Variants in TEX26 observed in about 807,000 individuals in gnomAD.
TEX26 encodes the protein testis expressed 26.
TEX26 carries 34 observed loss-of-function variants against 35.3 expected under a neutral mutation model. The ratio of observed to expected loss-of-function variants is 0.96; its 90% CI spans 0.73 to 1.28. The LOEUF is 1.28. Ranked by LOEUF, TEX26 falls within the 50% of genes most tolerant of loss-of-function variation. The pLI, the probability that TEX26 is intolerant of heterozygous loss-of-function variation, is 0.00. For synonymous variants in TEX26, 136 were observed against 111.8 expected (o/e 1.22, Z -1.36); for missense variants, 371 against 330.1 (o/e 1.12, Z -0.96).
chr13:30,960,041 A>G (rs1037787675), intron 4 of TEX26, among the ~76,000 whole-genome samples: 2 of 152,220 alleles, frequency 1.3e-5, no homozygotes, highest in Non-Finnish European at 2.9e-5. Flanking sequence ...TATCCAGCCA[A>G]ACTATCAAGC....
intron 1 of TEX26, 74 bp from the exon 2 acceptor site, chr13:30,939,620 C>T: frequency 1.5e-6 from 2 of 1,363,898 alleles, no homozygotes; most frequent in Admixed American, 1.8e-5. Flanking sequence ...GCAAAATTAT[C>T]TTAATTGTTA....
chr13:30,939,656 G>T (rs750293779), intron 1 of TEX26, 38 bp from the exon 2 acceptor site: 15 of 1,484,496 alleles, frequency 1.0e-5, no homozygotes, highest in Non-Finnish European at 1.4e-5. Context: ...AAAATATTCT[G>T]GTTTGCCATA....
intron 3 of TEX26, among the ~76,000 whole-genome samples, chr13:30,954,238 A>G (rs1260584698): frequency 2.0e-5 from 3 of 150,050 alleles, no homozygotes; most frequent in African/African-American, 7.3e-5. Context: ...ATTGTAATGT[A>G]TTCAACCCTG....
intron 2 of TEX26, among the ~76,000 whole-genome samples, chr13:30,947,756 T>C (rs1232047191): frequency 1.3e-5 from 2 of 152,206 alleles, no homozygotes; most frequent in African/African-American, 4.8e-5. Context: ...TTTATTATTA[T>C]ACTTTAAGTT....
chr13:30,967,425 G>C (rs1401627580), intron 5 of TEX26, among the ~76,000 whole-genome samples: 1 of 152,168 alleles, frequency 6.6e-6, no homozygotes, highest in East Asian at 1.9e-4. Flanking sequence ...TGCTCCAACT[G>C]TGTAGAAGTT....
intron 2 of TEX26, among the ~76,000 whole-genome samples, chr13:30,944,810 C>T (rs1437519292): frequency 2.6e-5 from 4 of 151,712 alleles, no homozygotes; most frequent in African/African-American, 9.7e-5. Context: ...GAGAAGATAC[C>T]TGACATGACT....
intron 4 of TEX26, among the ~76,000 whole-genome samples, chr13:30,965,373 T>C (rs1954490440): frequency 6.6e-6 from 1 of 152,254 alleles, no homozygotes; most frequent in Non-Finnish European, 1.5e-5. Context: ...TGAAAAGATC[T>C]ATTGGAAAAC....
chr13:30,955,188 C>A (rs73165084), intron 3 of TEX26, among the ~76,000 whole-genome samples: 2,923 of 152,254 alleles, frequency 0.019, 39 homozygotes, highest in Middle Eastern at 0.048. Flanking sequence ...AAAATGAAAT[C>A]GCAAAAATAT....
At chr13:30,949,694 G>A (rs1953849008) in intron 2 of TEX26, among the ~76,000 whole-genome samples, 1 of 151,926 alleles carries the variant, frequency 6.6e-6, no homozygotes, top group African/African-American at 2.4e-5. Flanking sequence ...AAATGTATAA[G>A]TTGTTTGTGA....
chr13:30,964,301 C>A (rs949774700), intron 4 of TEX26, among the ~76,000 whole-genome samples: 1 of 152,170 alleles, frequency 6.6e-6, no homozygotes, highest in Non-Finnish European at 1.5e-5. Flanking sequence ...TTCTGAGAGA[C>A]CCTTCCCAGG....
At position 30,932,661 on chromosome 13, in the gene TEX26, C is replaced by T; in HGVS notation, c.-55C>T. The T allele has an allele frequency of 6.3e-7, 1 of 1,588,470 alleles. No homozygotes were observed. ...CGCGTCACAAAGCAGCCCGCGGCTC[C>T]CGCAAGCGCTGAGATAGCTGGAGCC... is the stretch of plus-strand genomic sequence containing the variant. On this transcript the variant is annotated 5_prime_UTR_variant, in exon 1 of 7. Transcript: ENST00000380473.
rs1954151747 is a variant in TEX26 at position 30,956,861 on chromosome 13, T to G, written c.313-12T>G. ...ATATGGATTTTCTTGAAAATTATGT[T>G]TGCTTTGATAGGACATTTTCCTGTG... On this transcript the variant is annotated splice_polypyrimidine_tract_variant and intron_variant, in intron 3 of 6. Transcript: ENST00000380473. The G allele has an allele frequency of 4.3e-6, 7 of 1,612,314 alleles. No homozygotes were observed. In the South Asian group the frequency reaches 5.5e-5, roughly 13 times the overall value.
intron 3 of TEX26, among the ~76,000 whole-genome samples, chr13:30,955,794 G>A (rs1241856781): frequency 2.0e-5 from 3 of 152,186 alleles, no homozygotes; most frequent in Non-Finnish European, 2.9e-5. Context: ...AGTGCTGCAG[G>A]CGGGGCTGGG....
At position 30,932,758 on chromosome 13, in the gene TEX26, C is replaced by T; in HGVS notation, c.43C>T (p.His15Tyr). The change falls in exon 1 of 7, where the codon CAC becomes TAC. Residue 15 changes from histidine to tyrosine, a missense_variant. Coordinates refer to ENST00000380473, the MANE Select transcript of TEX26 (RefSeq NM_152325.3). ...GPRAPDPSLC[H>Y]HNLQPTDDPN... ...CAGGGCTCCGGATCCCTCTCTCTGC[C>T]ACCACAACCTCCAGCCAAGTAAGAC... 1.2e-6 allele frequency: 2 copies of T among 1,613,954 alleles called. No homozygotes were observed. Among genetic ancestry groups the T allele is most frequent in the Non-Finnish European group, 1.7e-6 (2 of 1,179,998 alleles).
chr13:30,932,928 A>G (rs967420604), intron 1 of TEX26, 152 bp downstream of exon 1: 2 of 774,318 alleles, frequency 2.6e-6, no homozygotes, highest in Non-Finnish European at 2.0e-6. Context: ...AGTCAGGGAG[A>G]ATGACAGGGC....
rs76662628 is a variant in TEX26, at chr13:30,939,778, G to A, written c.146G>A (p.Arg49His). The A allele has an allele frequency of 5.9e-4, 948 of 1,612,516 alleles. 4 individuals carry two copies. The African/African-American group carries it at 9.5e-3, about 16-fold the overall frequency. The change falls in exon 2 of 7, where the codon CGC becomes CAC. Residue 49 changes from arginine to histidine, a missense_variant and splice_region_variant. Transcript: ENST00000380473. ...PKTGAVPALI[R>H]QNGIRRLGYT... is the part of the protein sequence containing the mutation. The stretch of plus-strand genomic sequence containing the variant: ...ACAGGAGCAGTGCCTGCCTTAATTC[G>A]GTAGATCATTATTTGTGTTGGATTG...
chr13:30,956,163 C>G (rs929785250), intron 3 of TEX26, among the ~76,000 whole-genome samples: 11 of 113,346 alleles, frequency 9.7e-5, no homozygotes, highest in Non-Finnish European at 2.0e-4. Flanking sequence ...TATCCCTCCC[C>G]CCTCCCCCCA....
chr13:30,944,405 C>A (rs1953625375), intron 2 of TEX26, among the ~76,000 whole-genome samples: 1 of 151,664 alleles, frequency 6.6e-6, no homozygotes, highest in Non-Finnish European at 1.5e-5. Flanking sequence ...AAAGAACAAG[C>A]TTTTTGTTTC....
chr13:30,968,286 T>G (rs1954606124), intron 5 of TEX26, among the ~76,000 whole-genome samples: 1 of 152,114 alleles, frequency 6.6e-6, no homozygotes, highest in Admixed American at 6.6e-5. Flanking sequence ...CTAGCAAAGT[T>G]GGTCTTGTTC....
Sources: gnomAD v4.1 joint callset for allele counts (sites outside exome capture counted in the v4.1 genomes callset) on GRCh38, gnomAD v4.1.1 for gene constraint, MANE v1.5 for transcripts, NCBI Gene and HGNC (gene_info 2026-07-23, HGNC 2026-07-21) for gene names.